The following SH3RF1 variants were observed in gnomAD, a reference collection of about 807,000 sequenced individuals.
The protein encoded by SH3RF1 is E3 ubiquitin-protein ligase SH3RF1.
In SH3RF1, 32 loss-of-function variants were observed where a neutral mutation model predicts 74.0. That is an observed-to-expected ratio of 0.43 (90% CI 0.33 to 0.58). The LOEUF is 0.58. SH3RF1 is among the 20% of genes least tolerant of loss of function. The pLI is 0.05. For missense variants in SH3RF1, 954 were observed against 1,130.9 expected (o/e 0.84, Z 2.24); for synonymous variants, 396 against 439.6 (o/e 0.90, Z 1.24).
chr4:169,254,417 A>G (rs1294100654), intron 2 of SH3RF1, among the ~76,000 whole-genome samples: 1 of 152,228 alleles, frequency 6.6e-6, no homozygotes, highest in Non-Finnish European at 1.5e-5. Context: ...TAAACAAGGT[A>G]TATATGTGTT....
Position 169,152,467 on chromosome 4 carries a change from G to A in SH3RF1, c.765+3013C>T, listed in dbSNP as rs865796970. Among the ~76,000 whole-genome samples the A allele has an allele frequency of 1.1e-4, 17 of 152,348 alleles. No individual in the cohort carries two copies. The Middle Eastern group carries it at 0.017, about 152-fold the overall frequency. ...TTAAAAGGAGATGTGGCTGGGTGCG[G>A]TGGCTCACGCTTGTAATCCCAGCAC... On this transcript the variant is annotated intron_variant, in intron 4 of 11. Transcript: ENST00000284637.
intron 2 of SH3RF1, among the ~76,000 whole-genome samples, chr4:169,200,855 C>CCCA (rs1734895998): frequency 6.6e-6 from 1 of 152,098 alleles, no homozygotes; most frequent in Admixed American, 6.5e-5. Flanking sequence ...GATGAGTAAA[C>CCCA]TGGTAAGTTT....
chr4:169,238,335 C>T (rs149538473), intron 2 of SH3RF1, among the ~76,000 whole-genome samples: 2 of 152,310 alleles, frequency 1.3e-5, no homozygotes, highest in East Asian at 1.9e-4. Flanking sequence ...ATGTGAGGAA[C>T]GCTAGCACTG....
chr4:169,148,322 T>G (rs1733925324), intron 4 of SH3RF1, among the ~76,000 whole-genome samples: 1 of 152,210 alleles, frequency 6.6e-6, no homozygotes, highest in Non-Finnish European at 1.5e-5. Flanking sequence ...GCAAGACATT[T>G]GTCTACAAAA....
chr4:169,261,124 T>A (rs1346351319), intron 2 of SH3RF1, among the ~76,000 whole-genome samples: 3 of 152,054 alleles, frequency 2.0e-5, no homozygotes, highest in Non-Finnish European at 4.4e-5. Flanking sequence ...GCATGGAGCT[T>A]AGGTCCCTAT....
rs536188037 is a variant in SH3RF1 at position 169,136,434 on chromosome 4, A to C, written c.952T>G (p.Ser318Ala). 5.8e-5 allele frequency: 94 copies of C among 1,608,574 alleles called. No individual in the cohort carries two copies. The highest frequency in any genetic ancestry group is 7.6e-5 in the Non-Finnish European group (90 of 1,176,922). Reference sequence around the variant, plus strand: ...ATCTCCATGGAGTGGCGGTTCTGGGATGCCTGGGAGGACTTGTTGGCCATA... The same window carrying C: ...ATCTCCATGGAGTGGCGGTTCTGGGCTGCCTGGGAGGACTTGTTGGCCATA... ...LTMANKSSQASQNRHSMEISP... is the reference protein window; with the variant it reads ...LTMANKSSQAAQNRHSMEISP... Residue 318 changes from serine to alanine, a missense_variant, in exon 5 of 12, where the codon TCC becomes GCC. Around this residue, in one of 3 missense-constraint regions of SH3RF1, gnomAD observed 854 missense variants for 962.5 expected, o/e 0.89. Transcript: ENST00000284637.
At position 169,095,813 on chromosome 4, in the gene SH3RF1, A is replaced by G. The variant is rs916469450; in HGVS notation, c.*706T>C. The G allele has an allele frequency of 5.3e-5, 8 of 152,276 alleles. No individual in the cohort carries two copies. In the East Asian group the frequency reaches 1.5e-3, roughly 29 times the overall value. The allele number at this position is 152,276 out of a possible 1,614,324, so 9.4% of individuals were successfully genotyped here. On this transcript the variant is annotated 3_prime_UTR_variant, in exon 12 of 12. Coordinates refer to ENST00000284637, the MANE Select transcript of SH3RF1 (RefSeq NM_020870.4). ...CATTCTAGGAAAATTAAAAACCCAC[A>G]CAATTAAATTGAGGACTAGGTCTTC...
At chr4:169,255,622 TACACACAC>T (rs56229906) in intron 2 of SH3RF1, among the ~76,000 whole-genome samples, 74 of 124,742 alleles carry the variant, frequency 5.9e-4, no homozygotes, top group Admixed American at 2.0e-3. Context: ...CATACACACA[TACACACAC>T]ACACACACAC....
At chr4:169,099,852 G>A (rs1286685834) in intron 11 of SH3RF1, among the ~76,000 whole-genome samples, 4 of 152,084 alleles carry the variant, frequency 2.6e-5, no homozygotes, top group Non-Finnish European at 5.9e-5. Flanking sequence ...CTGGGGGGGC[G>A]GGTGGAATGA....
chr4:169,125,480 G>A (rs1388130360), intron 6 of SH3RF1, among the ~76,000 whole-genome samples: 2 of 152,208 alleles, frequency 1.3e-5, no homozygotes, highest in Admixed American at 6.5e-5. Flanking sequence ...GAGAGGGGAA[G>A]TAGTCCAGTA....
At chr4:169,183,379 C>T (rs1420385876) in intron 2 of SH3RF1, among the ~76,000 whole-genome samples, 1 of 152,126 alleles carries the variant, frequency 6.6e-6, no homozygotes, top group Non-Finnish European at 1.5e-5. Flanking sequence ...CTCCCGGGTT[C>T]AAGTGATTCT....
rs1335508987 is a variant in SH3RF1 at position 169,094,457 on chromosome 4, A to C, written c.*2062T>G. The C allele has an allele frequency of 6.6e-6, 1 of 152,046 alleles. No homozygotes were observed. Among genetic ancestry groups the C allele is most frequent in the East Asian group, 1.9e-4 (1 of 5,172 alleles). The allele number at this position is 152,046 out of a possible 1,614,324, so 9.4% of individuals were successfully genotyped here. On this transcript the variant is annotated 3_prime_UTR_variant, in exon 12 of 12. Transcript: ENST00000284637. ...ATATTACCTAATGATCTATTAACAG[A>C]TGAAATTTTAACCAACTTTATACCA... is the stretch of plus-strand genomic sequence containing the variant.
intron 10 of SH3RF1, among the ~76,000 whole-genome samples, chr4:169,114,110 A>G (rs1733290541): frequency 6.6e-6 from 1 of 152,096 alleles, no homozygotes; most frequent in Non-Finnish European, 1.5e-5. Flanking sequence ...ACCAGTAAGG[A>G]CCTGTACTAG....
chr4:169,152,233 A>G (rs1046929470), intron 4 of SH3RF1, among the ~76,000 whole-genome samples: 119 of 152,324 alleles, frequency 7.8e-4, no homozygotes, highest in African/African-American at 2.8e-3. Flanking sequence ...GAGGTCTGAA[A>G]GAATCTCCGG....
intron 2 of SH3RF1, among the ~76,000 whole-genome samples, chr4:169,253,383 C>T (rs538917676): frequency 2.6e-5 from 4 of 152,268 alleles, no homozygotes; most frequent in Admixed American, 2.6e-4. Context: ...ATTGTTGATA[C>T]ATTAACAATC....
intron 2 of SH3RF1, among the ~76,000 whole-genome samples, chr4:169,225,875 C>T (rs1007567228): frequency 1.3e-5 from 2 of 152,024 alleles, no homozygotes; most frequent in African/African-American, 2.4e-5. Flanking sequence ...GACAAGAAAA[C>T]AGAAGAGATG....
intron 9 of SH3RF1, among the ~76,000 whole-genome samples, chr4:169,116,993 C>T (rs553664335): frequency 2.0e-5 from 3 of 152,280 alleles, no homozygotes; most frequent in East Asian, 3.9e-4. Context: ...TATTCATTCC[C>T]TTTTCTTATG....
chr4:169,264,757 T>A (rs13151571), intron 2 of SH3RF1, among the ~76,000 whole-genome samples: 10,739 of 152,260 alleles, frequency 0.071, 512 homozygotes, highest in South Asian at 0.18. Flanking sequence ...TCACCCTACG[T>A]GGCCCTTGGG....
intron 2 of SH3RF1, among the ~76,000 whole-genome samples, chr4:169,211,613 C>T (rs989397672): frequency 7.2e-5 from 11 of 152,058 alleles, no homozygotes; most frequent in Admixed American, 6.5e-4. Flanking sequence ...CGAGTCTAAA[C>T]TGTACTTAGT....
Sources: allele counts gnomAD v4.1 joint callset (sites outside exome capture counted in the v4.1 genomes callset), GRCh38; gene constraint gnomAD v4.1.1; regional missense constraint gnomAD v4.1.1; transcripts MANE v1.5; gene names NCBI Gene and HGNC (gene_info 2026-07-23, HGNC 2026-07-21).